NRG1: variants seen among roughly 807,000 people sequenced by gnomAD.
NRG1 encodes pro-neuregulin-1, membrane-bound isoform.
NRG1 carries 18 observed loss-of-function variants against 63.8 expected under a neutral mutation model. The ratio of observed to expected loss-of-function variants is 0.28; its 90% CI spans 0.19 to 0.42. The LOEUF (loss-of-function observed/expected upper bound fraction) is 0.42. Among genes scored for constraint, NRG1 ranks in the 10% least tolerant of loss-of-function variants. The pLI is 1.00. For missense variants in NRG1, 762 were observed against 814.7 expected, an observed-to-expected ratio of 0.94 and a Z score of 0.79; for synonymous variants, 302 against 301.3, an observed-to-expected ratio of 1.00 and a Z score of -0.02.
chr8:32,355,588 AG>A (rs1806271297), intron 1 of NRG1, among the ~76,000 whole-genome samples: 1 of 152,164 alleles, frequency 6.6e-6, no homozygotes, highest in East Asian at 1.9e-4. Flanking sequence ...ATTTTTAAAA[AG>A]GCAAATCATA....
In NRG1 at chr8:32,342,106, G is replaced by T. The variant is rs968681542; in HGVS notation, c.38-253722G>T. Among the ~76,000 whole-genome samples the T allele has an allele frequency of 4.6e-5, 7 of 152,070 alleles. No individual in the cohort carries two copies. The South Asian group carries it at 1.5e-3, about 32-fold the overall frequency. ...GTCAAAGACTGTGTCAGTCAAGTCTGTCTCTATGTCATTTGAGTTTATGTT... is the reference window on the plus strand; with the variant it reads ...GTCAAAGACTGTGTCAGTCAAGTCTTTCTCTATGTCATTTGAGTTTATGTT... On this transcript the variant is annotated intron_variant, in intron 1 of 10. Transcript: ENST00000519301.
intron 1 of NRG1, among the ~76,000 whole-genome samples, chr8:32,065,906 T>A (rs1824720389): frequency 6.6e-6 from 1 of 152,208 alleles, no homozygotes; most frequent in Non-Finnish European, 1.5e-5. Context: ...TATCTCATTG[T>A]GGTTTTGATT....
intron 1 of NRG1, among the ~76,000 whole-genome samples, chr8:31,655,904 G>T (rs1488300839): frequency 6.6e-6 from 1 of 152,224 alleles, no homozygotes; most frequent in Non-Finnish European, 1.5e-5. Context: ...CAGTGTTCTG[G>T]CTTGAGCAAA....
chr8:31,895,306 A>G (rs1170976005), intron 1 of NRG1, among the ~76,000 whole-genome samples: 2 of 152,256 alleles, frequency 1.3e-5, no homozygotes, highest in East Asian at 1.9e-4. Context: ...ACAACTTGGC[A>G]GAATGTCTGC....
intron 1 of NRG1, among the ~76,000 whole-genome samples, chr8:32,460,059 G>A (rs954354503): frequency 6.6e-6 from 1 of 152,120 alleles, no homozygotes; most frequent in Non-Finnish European, 1.5e-5. Flanking sequence ...TGCCACTCCT[G>A]CCCCTGAAAT....
intron 5 of NRG1, among the ~76,000 whole-genome samples, chr8:32,681,289 G>A (rs116981595): frequency 0.021 from 3,190 of 152,232 alleles, 56 homozygotes; most frequent in South Asian, 0.049. Context: ...CAAAATGCAT[G>A]ACCTAGTCAG....
intron 1 of NRG1, among the ~76,000 whole-genome samples, chr8:32,464,023 G>T (rs1822722041): frequency 6.6e-6 from 1 of 150,506 alleles, no homozygotes; most frequent in Non-Finnish European, 1.5e-5. Flanking sequence ...CTCCCGAGTA[G>T]CTGGGATTAC....
intron 6 of NRG1, among the ~76,000 whole-genome samples, chr8:32,741,796 A>G (rs531575623): frequency 8.5e-5 from 13 of 152,268 alleles, no homozygotes; most frequent in Admixed American, 2.0e-4. Context: ...TTAACCAATC[A>G]TTTGAAGACT....
chr8:32,497,895 C>G lies in NRG1; in HGVS notation c.38-97933C>G, dbSNP rs35053971. Among the ~76,000 whole-genome samples the G allele has an allele frequency of 2.3e-4, 35 of 152,186 alleles. 1 individual carries two copies. The highest frequency in any genetic ancestry group is 4.1e-4 in the Non-Finnish European group (28 of 68,042). Reference sequence around the variant, plus strand: ...CTGGGGTGCAATGGCACGATCTCGGCTCACCACAACCTCCCCTTCCCGGGT... The same window carrying G: ...CTGGGGTGCAATGGCACGATCTCGGGTCACCACAACCTCCCCTTCCCGGGT... On this transcript the variant is annotated intron_variant, in intron 1 of 10. Coordinates refer to the NRG1 transcript ENST00000519301.
intron 7 of NRG1, among the ~76,000 whole-genome samples, chr8:32,750,900 G>GA (rs927445062): frequency 9.4e-5 from 14 of 148,654 alleles, no homozygotes; most frequent in African/African-American, 2.7e-4. Flanking sequence ...TTCCCTCAGG[G>GA]AAAAAAAAAA....
At position 31,750,183 on chromosome 8, in the gene NRG1, A is replaced by C. The variant is rs192375325; in HGVS notation, c.37+110752A>C. On this transcript the variant is annotated intron_variant, in intron 1 of 10. Transcript: ENST00000519301. ...ATTGGTTACAGGAAAAGAAAAAAGA[A>C]TGTAATTCGTAAGACTGTGGAGCCA... Among the ~76,000 whole-genome samples, 3 of 152,000 alleles carry C rather than the reference A, an allele frequency of 2.0e-5. No homozygotes were observed. The East Asian group carries it at 5.9e-4, about 30-fold the overall frequency.
chr8:32,499,756 C>G (rs1167311895), intron 1 of NRG1, among the ~76,000 whole-genome samples: 1 of 152,144 alleles, frequency 6.6e-6, no homozygotes, highest in African/African-American at 2.4e-5. Flanking sequence ...GTCTCAGTCA[C>G]GTGCATTTCC....
At chr8:32,702,418 C>T (rs1815155267) in intron 5 of NRG1, among the ~76,000 whole-genome samples, 1 of 152,200 alleles carries the variant, frequency 6.6e-6, no homozygotes, top group Admixed American at 6.5e-5. Context: ...CATGTTTGGG[C>T]ATTTGTGTTG....
chr8:31,914,287 A>G (rs974578646), intron 1 of NRG1, among the ~76,000 whole-genome samples: 2 of 110,270 alleles, frequency 1.8e-5, no homozygotes, highest in Non-Finnish European at 3.7e-5. Context: ...TAGCATTGTT[A>G]TGTCACCCTT....
At chr8:32,124,979 A>G (rs908435003) in intron 1 of NRG1, among the ~76,000 whole-genome samples, 3 of 151,894 alleles carry the variant, frequency 2.0e-5, no homozygotes, top group African/African-American at 4.8e-5. Flanking sequence ...ATTTTGCAGT[A>G]TTAAGAGGCA....
At chr8:32,244,430 G>A (rs1384301037) in intron 1 of NRG1, among the ~76,000 whole-genome samples, 1 of 152,130 alleles carries the variant, frequency 6.6e-6, no homozygotes, top group Non-Finnish European at 1.5e-5. Flanking sequence ...GACTATATTT[G>A]AGAAGTAGAA....
intron 5 of NRG1, among the ~76,000 whole-genome samples, chr8:32,669,438 T>C (rs1403507245): frequency 1.3e-5 from 2 of 152,126 alleles, no homozygotes; most frequent in African/African-American, 4.8e-5. Context: ...GAACTTTTAA[T>C]GTGGACCTCA....
intron 1 of NRG1, among the ~76,000 whole-genome samples, chr8:32,455,229 A>G (rs1180606923): frequency 4.6e-5 from 7 of 152,166 alleles, no homozygotes; most frequent in African/African-American, 1.7e-4. Context: ...GAAGAAAATC[A>G]CTTTGCTTTA....
At chr8:32,048,593 A>C (rs1411748952) in intron 1 of NRG1, among the ~76,000 whole-genome samples, 2 of 151,406 alleles carry the variant, frequency 1.3e-5, no homozygotes, top group Non-Finnish European at 2.9e-5. Flanking sequence ...CCAGCAATGC[A>C]CAAGAGTCCC....
Sources: gnomAD v4.1 joint callset for allele counts (sites outside exome capture counted in the v4.1 genomes callset) on GRCh38, gnomAD v4.1.1 for gene constraint, MANE v1.5 for transcripts, NCBI Gene and HGNC (gene_info 2026-07-23, HGNC 2026-07-21) for gene names.